Variants in SHMT1 observed in about 807,000 individuals in gnomAD.
SHMT1 encodes serine hydroxymethyltransferase 1, also known as serine hydroxymethyltransferase, cytosolic.
In SHMT1, 45 loss-of-function variants were observed where a neutral mutation model predicts 49.0. The ratio of observed to expected loss-of-function variants is 0.92; its 90% confidence interval spans 0.72 to 1.18. SHMT1 has a LOEUF of 1.18. Among genes scored for constraint, SHMT1 ranks in the 50% most tolerant of loss-of-function variants. The pLI, the probability that SHMT1 is intolerant of heterozygous loss-of-function variation, is 0.00. For synonymous variants in SHMT1, 232 were observed against 246.6 expected (o/e 0.94, Z 0.55); for missense variants, 541 against 612.4 (o/e 0.88, Z 1.23).
At position 18,351,500 on chromosome 17, in the gene SHMT1, T is replaced by C. The variant is rs533698553; in HGVS notation, c.242+2172A>G. On this transcript the variant is annotated intron_variant, in intron 3 of 11. Coordinates refer to ENST00000316694, the MANE Select transcript of SHMT1 (RefSeq NM_004169.5). ...TTGGCTGGGCACAGTGGCTCACGCC[T>C]GTAATCCCAACACTTTGGGAGACAG... Among the ~76,000 whole-genome samples, 7 of 151,674 alleles carry C rather than the reference T, an allele frequency of 4.6e-5. No homozygotes were observed. In the East Asian group the frequency reaches 1.4e-3, roughly 30 times the overall value.
intron 7 of SHMT1, among the ~76,000 whole-genome samples, chr17:18,336,026 C>T (rs1390147165): frequency 6.6e-6 from 1 of 152,178 alleles, no homozygotes; most frequent in Non-Finnish European, 1.5e-5. Context: ...CACCTGTAAT[C>T]CCAGCACTTT....
intron 9 of SHMT1, chr17:18,332,312 G>A (rs1983299239): frequency 6.6e-6 from 1 of 152,378 alleles, no homozygotes; most frequent in Non-Finnish European, 1.5e-5. Flanking sequence ...GGCCTTCCCA[G>A]GCACTGCCGC....
chr17:18,343,690 T>C (rs1447946856), intron 5 of SHMT1, among the ~76,000 whole-genome samples: 1 of 149,572 alleles, frequency 6.7e-6, no homozygotes, highest in African/African-American at 2.5e-5. Flanking sequence ...GAGGCTGAGT[T>C]GGACAGATCA....
rs1280431243 is a variant in SHMT1 at position 18,328,774 on chromosome 17, A to T, written c.1428T>A (p.Pro476=). The T allele has an allele frequency of 6.3e-7, 1 of 1,590,728 alleles. No homozygotes were observed. The highest frequency in any genetic ancestry group is 8.6e-7 in the Non-Finnish European group (1 of 1,167,812). The change falls in exon 12 of 12, where the codon CCT becomes CCA. Residue 476 remains proline, a synonymous_variant. Coordinates refer to ENST00000316694, the MANE Select transcript of SHMT1 (RefSeq NM_004169.5). ...TTTAGAAGTCAGGCAGGCCAGGCAG[A>T]GGGAAGAGAGAGGCGAAGCTCTCAA... ...EEVESFASLF[P]LPGLPDF is the part of the protein sequence containing the mutation.
rs1567770382 is a variant in SHMT1 at position 18,333,204 on chromosome 17, G to A, written c.1016C>T (p.Ser339Phe). 6.2e-7 allele frequency: 1 copy of A among 1,614,026 alleles called. No homozygotes were observed. The highest frequency in any genetic ancestry group is 1.7e-5 in the Admixed American group (1 of 60,028). ...HQVVANCRALSEALTELGYKI... is the reference protein window; with the variant it reads ...HQVVANCRALFEALTELGYKI... ...GTAGCCCAGCTCCGTCAGGGCCTCAGACAGAGCCCTGCAGTTGGCCACCAC... is the reference window on the plus strand; with the variant it reads ...GTAGCCCAGCTCCGTCAGGGCCTCAAACAGAGCCCTGCAGTTGGCCACCAC... Residue 339 changes from serine to phenylalanine, a missense_variant, in exon 9 of 12, where the codon TCT becomes TTT. Coordinates refer to ENST00000316694, the MANE Select transcript of SHMT1 (RefSeq NM_004169.5).
At chr17:18,362,377 G>C (rs1316800255) in intron 1 of SHMT1, among the ~76,000 whole-genome samples, 1 of 151,954 alleles carries the variant, frequency 6.6e-6, no homozygotes, top group African/African-American at 2.4e-5. Flanking sequence ...CTGGAGTGCA[G>C]TGGCGTGATC....
rs1019357676 is a variant in SHMT1 at position 18,340,078 on chromosome 17, C to G, written c.779G>C (p.Arg260Pro). The G allele has an allele frequency of 6.2e-7, 1 of 1,614,070 alleles. No homozygotes were observed. The highest frequency in any genetic ancestry group is 1.3e-5 in the African/African-American group (1 of 75,054). The change falls in exon 7 of 12, where the codon CGA becomes CCA. Residue 260 changes from arginine (R) to proline (P), a missense_variant. Transcript: ENST00000316694. This position sits in a 1 kb window ranked among gnomAD's most constrained non-coding sequence, Gnocchi z 4.5. The part of the protein sequence containing the change: ...VVTTTTHKTL[R>P]GCRAGMIFYR... The stretch of plus-strand genomic sequence containing the variant: ...GAAGATCATGCCAGCTCGGCAGCCT[C>G]GCAGGGTCTTGTGAGTGGTGGTGGT...
chr17:18,356,461 G>T (rs1018610237), intron 1 of SHMT1, among the ~76,000 whole-genome samples: 7 of 152,238 alleles, frequency 4.6e-5, no homozygotes, highest in Admixed American at 2.0e-4. Flanking sequence ...TCAGCCTCCT[G>T]AGTAGCTGGG....
chr17:18,340,220 G>A lies in SHMT1; in HGVS notation c.637C>T (p.Arg213Trp), dbSNP rs115185998. The A allele has an allele frequency of 2.3e-4, 366 of 1,614,162 alleles. No individual in the cohort carries two copies. The African/African-American group carries it at 3.8e-3, about 17-fold the overall frequency. ...SCYSRNLEYA[R>W]LRKIADENGA... ...TTCTCATCTGCAATCTTCCGTAGCC[G>A]GGCATATTCCAGGTTTCGGGAGTAG... Residue 213 changes from arginine to tryptophan, a missense_variant, in exon 7 of 12, where the codon CGG becomes TGG. Physicochemically the swap from Arg to Trp is moderately radical, Grantham distance 101 (BLOSUM62 -3). Coordinates refer to ENST00000316694, the MANE Select transcript of SHMT1 (RefSeq NM_004169.5). The surrounding 1 kb of genome is among the most constrained non-coding windows in gnomAD (Gnocchi z 4.5).
rs370949046 is a variant in SHMT1, at chr17:18,329,312, T to A, written c.1248A>T (p.Lys416Asn). The A allele has an allele frequency of 7.4e-6, 12 of 1,612,658 alleles. No individual in the cohort carries two copies. In the African/African-American group the frequency reaches 1.3e-4, roughly 18 times the overall value. ...PALTSRGLLE[K>N]DFQKVAHFIH... ...TAAAGTGGGCTACTTTTTGGAAGTCTTTTTCCAAAAGTCCACGGGACGTCA... is the reference window on the plus strand; with the variant it reads ...TAAAGTGGGCTACTTTTTGGAAGTCATTTTCCAAAAGTCCACGGGACGTCA... Residue 416 changes from lysine to asparagine, a missense_variant, in exon 11 of 12, where the codon AAA becomes AAT. By Grantham distance (94) the Lys-to-Asn change is moderately conservative. Coordinates refer to ENST00000316694, the MANE Select transcript of SHMT1 (RefSeq NM_004169.5).
At chr17:18,344,095 TC>T (rs1984824079) in intron 5 of SHMT1, among the ~76,000 whole-genome samples, 1 of 151,858 alleles carries the variant, frequency 6.6e-6, no homozygotes, top group African/African-American at 2.4e-5. Context: ...TACCTTGGTG[TC>T]CCCCTCAGAA....
chr17:18,358,983 C>T (rs539283772), intron 1 of SHMT1, among the ~76,000 whole-genome samples: 1 of 151,048 alleles, frequency 6.6e-6, no homozygotes, highest in East Asian at 2.0e-4. Context: ...GGGCTGGGCC[C>T]AGTGGCTCAT....
At chr17:18,336,278 A>G (rs1983780984) in intron 7 of SHMT1, among the ~76,000 whole-genome samples, 1 of 151,204 alleles carries the variant, frequency 6.6e-6, no homozygotes, top group African/African-American at 2.4e-5. Flanking sequence ...TTCTGTCTCA[A>G]AAAGAAAAAA....
chr17:18,344,707 T>C (rs9909104), intron 5 of SHMT1, among the ~76,000 whole-genome samples: 45,635 of 151,706 alleles, frequency 0.3, 7,302 homozygotes, highest in African/African-American at 0.41. Flanking sequence ...GAAGAATTCA[T>C]AGGCATTTAT....
chr17:18,330,912 C>T, intron 9 of SHMT1: 1 of 532,042 alleles, frequency 1.9e-6, no homozygotes, highest in Non-Finnish European at 3.5e-6. Context: ...CTGACACTCC[C>T]ATGGGGAAGG....
At chr17:18,350,001 CAA>C (rs1985512377) in intron 3 of SHMT1, among the ~76,000 whole-genome samples, 1 of 142,572 alleles carries the variant, frequency 7.0e-6, no homozygotes, top group East Asian at 2.0e-4. Flanking sequence ...CCCTGGGCAA[CAA>C]GAGCAAAACT....
chr17:18,344,331 C>T (rs189392356), intron 5 of SHMT1, among the ~76,000 whole-genome samples: 7 of 152,030 alleles, frequency 4.6e-5, no homozygotes, highest in South Asian at 2.1e-4. Context: ...GCAAAGAAAC[C>T]GTTTTATGAA....
At chr17:18,362,281 T>A (rs895496748) in intron 1 of SHMT1, among the ~76,000 whole-genome samples, 6 of 152,170 alleles carry the variant, frequency 3.9e-5, no homozygotes, top group Non-Finnish European at 7.3e-5. Context: ...CCCCAAGTAA[T>A]AAATTTACGT....
chr17:18,354,551 G>A (rs1011492228), intron 2 of SHMT1, among the ~76,000 whole-genome samples: 9 of 151,320 alleles, frequency 5.9e-5, no homozygotes, highest in East Asian at 3.9e-4. Context: ...AGCCGAGATC[G>A]CGCCATCGCA....
Sources: gnomAD v4.1 joint callset for allele counts (sites outside exome capture counted in the v4.1 genomes callset) on GRCh38, gnomAD v4.1.1 for gene constraint, Gnocchi (gnomAD v3.1) non-coding constraint, MANE v1.5 for transcripts, NCBI Gene and HGNC (gene_info 2026-07-23, HGNC 2026-07-21) for gene names.